EIPR1: variants seen among roughly 807,000 people sequenced by gnomAD.
The protein encoded by EIPR1 is EARP complex and GARP complex interacting protein 1.
In EIPR1, 25 loss-of-function variants were observed where a neutral mutation model predicts 48.1. The ratio of observed to expected loss-of-function variants is 0.52; its 90% CI spans 0.38 to 0.73. The LOEUF is 0.73. Among genes scored for constraint, EIPR1 ranks in the 30% least tolerant of loss-of-function variants. EIPR1 has a pLI of 0.00. For synonymous variants in EIPR1, 204 were observed against 201.9 expected, an observed-to-expected ratio of 1.01 and a Z score of -0.09; for missense variants, 415 against 506.2, an observed-to-expected ratio of 0.82 and a Z score of 1.73.
At chr2:3,234,736 C>T (rs1288443867) in intron 4 of EIPR1, among the ~76,000 whole-genome samples, 4 of 152,270 alleles carry the variant, frequency 2.6e-5, no homozygotes, top group Non-Finnish European at 5.9e-5. Context: ...TCCGCGGAAG[C>T]CTCTGCAGTC....
chr2:3,194,317 G>C, intron 6 of EIPR1, 151 bp from the exon 7 acceptor site: 1 of 864,032 alleles, frequency 1.2e-6, no homozygotes, highest in East Asian at 2.7e-5. Context: ...CCTGCAGGAA[G>C]AGGCTGGCGC....
At chr2:3,194,975 G>A (rs1432437576) in intron 6 of EIPR1, among the ~76,000 whole-genome samples, 4 of 152,216 alleles carry the variant, frequency 2.6e-5, no homozygotes, top group South Asian at 2.1e-4. Flanking sequence ...TCACACTCAC[G>A]CGTGCATCTG....
rs958167017 is a variant in EIPR1 at position 3,377,801 on chromosome 2, A to G, written c.-112T>C. ...CAGCGCCCATTCATTCCCTCCCCGC[A>G]GCAAACGACTCCAAACTGGAAGTCT... On this transcript the variant is annotated 5_prime_UTR_variant, in exon 1 of 9. Transcript: ENST00000382125. 7.2e-6 allele frequency: 9 copies of G among 1,244,734 alleles called. No individual in the cohort carries two copies. The African/African-American group carries it at 1.3e-4, about 19-fold the overall frequency. 77.1% of individuals were successfully genotyped at this position (1,244,734 alleles called of 1,614,324 possible).
At chr2:3,239,423 T>C (rs1366058372) in intron 4 of EIPR1, among the ~76,000 whole-genome samples, 1 of 152,202 alleles carries the variant, frequency 6.6e-6, no homozygotes, top group Non-Finnish European at 1.5e-5. Flanking sequence ...ATCTCTGTGG[T>C]TGATGCACAG....
At chr2:3,202,571 G>A (rs946962112) in intron 5 of EIPR1, among the ~76,000 whole-genome samples, 1 of 152,138 alleles carries the variant, frequency 6.6e-6, no homozygotes, top group East Asian at 1.9e-4. Context: ...ATGCAAATTC[G>A]GCAGAGTGGC....
chr2:3,266,405 G>T (rs1217097975), intron 3 of EIPR1, among the ~76,000 whole-genome samples: 1 of 152,244 alleles, frequency 6.6e-6, no homozygotes, highest in African/African-American at 2.4e-5. Flanking sequence ...TGCACAACAG[G>T]ATGTCTGAAG....
rs1342037123 is a variant in EIPR1, at chr2:3,207,216, G to A, written c.516+6933C>T. ...ACACTAAGAGCTTGCTGTGAGGAACGCTGCTCTCCTGTAACCTGTAATTCC... is the reference window on the plus strand; with the variant it reads ...ACACTAAGAGCTTGCTGTGAGGAACACTGCTCTCCTGTAACCTGTAATTCC... On this transcript the variant is annotated intron_variant, in intron 5 of 8. Transcript: ENST00000382125. Among the ~76,000 whole-genome samples, 5 of 152,300 alleles carry A rather than the reference G, an allele frequency of 3.3e-5. No homozygotes were observed. In the East Asian group the frequency reaches 7.7e-4, roughly 23 times the overall value.
At chr2:3,325,766 T>C (rs1468196163) in intron 3 of EIPR1, among the ~76,000 whole-genome samples, 1 of 152,230 alleles carries the variant, frequency 6.6e-6, no homozygotes, top group Non-Finnish European at 1.5e-5. Context: ...TTGTAACATA[T>C]CTACATTCAT....
At chr2:3,199,620 G>C (rs543615331) in intron 5 of EIPR1, among the ~76,000 whole-genome samples, 82 of 152,326 alleles carry the variant, frequency 5.4e-4, no homozygotes, top group Non-Finnish European at 1.0e-3. Context: ...GGGCAGAAGC[G>C]AGGAGGTTGT....
chr2:3,227,162 G>GAAC (rs1362901906), intron 4 of EIPR1, among the ~76,000 whole-genome samples: 1 of 151,588 alleles, frequency 6.6e-6, no homozygotes, highest in Non-Finnish European at 1.5e-5. Flanking sequence ...GAGCTCAGAA[G>GAAC]ACAGGAAAAT....
At chr2:3,278,158 G>C (rs1257384679) in intron 3 of EIPR1, among the ~76,000 whole-genome samples, 3 of 152,204 alleles carry the variant, frequency 2.0e-5, no homozygotes, top group African/African-American at 7.2e-5. Context: ...CCAGGTACGA[G>C]GCACAGGCCC....
chr2:3,192,199 C>T (rs1434773891), intron 8 of EIPR1, among the ~76,000 whole-genome samples: 2 of 152,196 alleles, frequency 1.3e-5, no homozygotes, highest in Non-Finnish European at 2.9e-5. Context: ...ATTTTAAAAC[C>T]GCACCTAACC....
intron 3 of EIPR1, among the ~76,000 whole-genome samples, chr2:3,324,506 G>A (rs963617297): frequency 1.3e-4 from 20 of 152,348 alleles, no homozygotes; most frequent in African/African-American, 3.4e-4. Context: ...CTGCAGCTTC[G>A]GGCAGCTGTC....
At chr2:3,233,939 G>C (rs1666320558) in intron 4 of EIPR1, among the ~76,000 whole-genome samples, 1 of 152,202 alleles carries the variant, frequency 6.6e-6, no homozygotes, top group Admixed American at 6.5e-5. Flanking sequence ...TCAATGACAA[G>C]TATTTTCAGT....
chr2:3,245,994 G>T (rs1666781629), intron 4 of EIPR1, among the ~76,000 whole-genome samples: 1 of 152,194 alleles, frequency 6.6e-6, no homozygotes, highest in Non-Finnish European at 1.5e-5. Context: ...AGGAGGTTGA[G>T]ATGGGAGGAT....
chr2:3,290,782 C>T (rs1558277124), intron 3 of EIPR1, among the ~76,000 whole-genome samples: 2 of 152,188 alleles, frequency 1.3e-5, no homozygotes, highest in Admixed American at 6.5e-5. Context: ...TGAAATGGAC[C>T]GTCGGTCATC....
intron 5 of EIPR1, among the ~76,000 whole-genome samples, chr2:3,202,159 G>A (rs766680083): frequency 1.2e-3 from 182 of 152,242 alleles, no homozygotes; most frequent in Admixed American, 2.2e-3. Context: ...GGATGGTCTC[G>A]ATCTTCTGAC....
At chr2:3,336,943 G>A (rs1670077515) in intron 3 of EIPR1, among the ~76,000 whole-genome samples, 1 of 123,104 alleles carries the variant, frequency 8.1e-6, no homozygotes, top group African/African-American at 3.2e-5. Flanking sequence ...GAAAAGGGAA[G>A]GGAAGGGAAG....
At chr2:3,289,028 T>C (rs375136084) in intron 3 of EIPR1, among the ~76,000 whole-genome samples, 5 of 152,336 alleles carry the variant, frequency 3.3e-5, no homozygotes, top group African/African-American at 1.2e-4. Flanking sequence ...TTCAAATCCA[T>C]GACGCTCACG....
Sources: allele counts gnomAD v4.1 joint callset (sites outside exome capture counted in the v4.1 genomes callset), GRCh38; gene constraint gnomAD v4.1.1; transcripts MANE v1.5; gene names NCBI Gene and HGNC (gene_info 2026-07-23, HGNC 2026-07-21).